Variants in SLC39A11 observed in about 807,000 individuals in gnomAD.
The protein encoded by SLC39A11 is solute carrier family 39 member 11.
In SLC39A11, 33 loss-of-function variants were observed where a neutral mutation model predicts 36.1. The observed-to-expected ratio is 0.91, with a 90% CI of 0.69 to 1.22. The LOEUF is 1.22. SLC39A11 is among the 50% of genes most tolerant of loss of function. The pLI is 0.00. For missense variants in SLC39A11, 432 were observed against 430.3 expected (o/e 1.00, Z -0.03); for synonymous variants, 166 against 170.3 (o/e 0.97, Z 0.20).
intron 3 of SLC39A11, among the ~76,000 whole-genome samples, chr17:73,067,276 T>C (rs958613744): frequency 1.3e-5 from 2 of 152,220 alleles, no homozygotes; most frequent in African/African-American, 4.8e-5. Context: ...GAATAAGTTG[T>C]GGCCAATGAA....
At chr17:73,081,251 C>T (rs1211117800) in intron 3 of SLC39A11, among the ~76,000 whole-genome samples, 1 of 152,062 alleles carries the variant, frequency 6.6e-6, no homozygotes, top group Admixed American at 6.6e-5. Flanking sequence ...CAGGGAAATG[C>T]AAATCAAAAC....
intron 6 of SLC39A11, among the ~76,000 whole-genome samples, chr17:72,745,827 A>G (rs1402774890): frequency 6.6e-6 from 1 of 152,228 alleles, no homozygotes; most frequent in Admixed American, 6.5e-5. Flanking sequence ...TTGATTTAAA[A>G]AAGTATTTAA....
At chr17:73,074,575 G>A (rs2060262051) in intron 3 of SLC39A11, among the ~76,000 whole-genome samples, 1 of 152,090 alleles carries the variant, frequency 6.6e-6, no homozygotes, top group African/African-American at 2.4e-5. Context: ...GGGATTACAG[G>A]TGTGAGCCAC....
intron 7 of SLC39A11, among the ~76,000 whole-genome samples, chr17:72,684,267 C>A (rs2071639483): frequency 6.6e-6 from 1 of 152,204 alleles, no homozygotes; most frequent in Non-Finnish European, 1.5e-5. Flanking sequence ...ATTTACAGCA[C>A]CATAGCCTAG....
chr17:73,056,370 T>C (rs774178187), intron 3 of SLC39A11, among the ~76,000 whole-genome samples: 18 of 152,176 alleles, frequency 1.2e-4, no homozygotes, highest in Non-Finnish European at 2.2e-4. Context: ...GGTTTCACCA[T>C]GTTGGCCAGG....
chr17:73,058,184 GTGTT>G (rs780771625), intron 3 of SLC39A11, among the ~76,000 whole-genome samples: 2 of 152,014 alleles, frequency 1.3e-5, no homozygotes. Flanking sequence ...CCAGGCTTGC[GTGTT>G]TGTTTGTCTT....
intron 3 of SLC39A11, among the ~76,000 whole-genome samples, chr17:73,036,901 C>T (rs1012840413): frequency 6.6e-6 from 1 of 152,228 alleles, no homozygotes; most frequent in Non-Finnish European, 1.5e-5. Flanking sequence ...CCTCCTTCCC[C>T]GCTATTCCCT....
At chr17:72,773,170 T>G (rs1283490932) in intron 6 of SLC39A11, among the ~76,000 whole-genome samples, 1 of 152,226 alleles carries the variant, frequency 6.6e-6, no homozygotes, top group Non-Finnish European at 1.5e-5. Context: ...AGGCTATGCC[T>G]TGACACAAAT....
chr17:73,065,282 G>A (rs1345911885), intron 3 of SLC39A11, among the ~76,000 whole-genome samples: 1 of 152,134 alleles, frequency 6.6e-6, no homozygotes, highest in Non-Finnish European at 1.5e-5. Flanking sequence ...GCAGGCGCCT[G>A]TGATCCCAGC....
intron 7 of SLC39A11, among the ~76,000 whole-genome samples, chr17:72,717,407 T>C (rs2073453806): frequency 6.6e-6 from 1 of 152,116 alleles, no homozygotes; most frequent in Admixed American, 6.5e-5. Flanking sequence ...TCCGCAGGGC[T>C]ATGCTCCCCC....
At chr17:72,962,182 T>C (rs1398269627) in intron 4 of SLC39A11, among the ~76,000 whole-genome samples, 2 of 152,274 alleles carry the variant, frequency 1.3e-5, no homozygotes, top group Admixed American at 1.3e-4. Context: ...CCAAAGCAAA[T>C]AACCAAATTG....
At chr17:73,002,889 T>C (rs4969003) in intron 4 of SLC39A11, among the ~76,000 whole-genome samples, 142,078 of 152,240 alleles carry the variant, frequency 0.93, 66,368 homozygotes, top group Middle Eastern at 0.97. Flanking sequence ...TCTATGGTCA[T>C]GTTGCCTCCT....
intron 4 of SLC39A11, among the ~76,000 whole-genome samples, chr17:72,969,027 C>T (rs897824056): frequency 2.0e-5 from 3 of 151,890 alleles, no homozygotes; most frequent in East Asian, 1.9e-4. Context: ...GGACAGGCCA[C>T]GATGTCCCGT....
chr17:72,789,341 G>A (rs776365593), intron 6 of SLC39A11, among the ~76,000 whole-genome samples: 1 of 152,142 alleles, frequency 6.6e-6, no homozygotes, highest in Non-Finnish European at 1.5e-5. Context: ...AAACAATCTC[G>A]ATATATTTGT....
intron 6 of SLC39A11, among the ~76,000 whole-genome samples, chr17:72,777,336 T>C (rs1461180934): frequency 6.6e-6 from 1 of 152,112 alleles, no homozygotes; most frequent in Non-Finnish European, 1.5e-5. Flanking sequence ...TGCCAGGGAA[T>C]AGTATACTGG....
At chr17:72,792,179 C>G (rs549492067) in intron 6 of SLC39A11, among the ~76,000 whole-genome samples, 4 of 152,266 alleles carry the variant, frequency 2.6e-5, no homozygotes, top group African/African-American at 9.6e-5. Context: ...TGACATAACT[C>G]AGAAGAGGAG....
chr17:72,693,829 AT>A (rs2072155665), intron 7 of SLC39A11, among the ~76,000 whole-genome samples: 1 of 152,018 alleles, frequency 6.6e-6, no homozygotes, highest in African/African-American at 2.4e-5. Context: ...CGCCTGGCTA[AT>A]TTTTTGTGTT....
chr17:72,973,029 T>TGA (rs1301741598), intron 4 of SLC39A11, among the ~76,000 whole-genome samples: 1 of 151,796 alleles, frequency 6.6e-6, no homozygotes, highest in Admixed American at 6.6e-5. Context: ...AGGCTTCAGC[T>TGA]GAGCCCTTTG....
At chr17:73,029,528 T>A (rs997409407) in intron 4 of SLC39A11, among the ~76,000 whole-genome samples, 4 of 151,614 alleles carry the variant, frequency 2.6e-5, no homozygotes, top group African/African-American at 9.7e-5. Context: ...CTACCACACA[T>A]AGTCGGCAGC....
Sources: gnomAD v4.1 joint callset for allele counts (sites outside exome capture counted in the v4.1 genomes callset) on GRCh38, gnomAD v4.1.1 for gene constraint, MANE v1.5 for transcripts, NCBI Gene and HGNC (gene_info 2026-07-23, HGNC 2026-07-21) for gene names.